The following DMD variants were observed in gnomAD, a reference collection of about 807,000 sequenced individuals.
DMD encodes mutant dystrophin.
DMD carries 63 observed loss-of-function variants against 330.1 expected under a neutral mutation model. The observed-to-expected ratio is 0.19, with a 90% CI of 0.16 to 0.24. The LOEUF is 0.24. DMD is among the 10% of genes least tolerant of loss of function. The pLI is 1.00. For missense variants in DMD, 3,344 were observed against 2,684.1 expected (o/e 1.25, Z -5.43); for synonymous variants, 1,223 against 959.8 (o/e 1.27, Z -5.07).
intron 29 of DMD, among the ~76,000 whole-genome samples, chrX:32,415,326 G>A (rs1156729335): frequency 1.8e-5 from 2 of 112,061 alleles, no homozygotes; most frequent in African/African-American, 3.2e-5. Context: ...GTTGACTTCG[G>A]GTGGGTTGGC....
At chrX:32,783,762 C>T (rs371718763) in intron 7 of DMD, among the ~76,000 whole-genome samples, 1 of 110,972 alleles carries the variant, frequency 9.0e-6, no homozygotes, top group Non-Finnish European at 1.9e-5. Flanking sequence ...ATATAAGGAA[C>T]TTAAGCATCC....
chrX:31,876,410 C>A (rs1489884697), intron 47 of DMD, among the ~76,000 whole-genome samples: 1 of 112,057 alleles, frequency 8.9e-6, no homozygotes, highest in East Asian at 2.8e-4. Flanking sequence ...AGATTGGGGA[C>A]AATGATAGCA....
intron 41 of DMD, among the ~76,000 whole-genome samples, chrX:32,315,377 C>T (rs1211064797): frequency 1.2e-4 from 13 of 108,588 alleles, no homozygotes; most frequent in African/African-American, 4.0e-4. Flanking sequence ...GGGTGGGGGG[C>T]AAGGGGAGGG....
chrX:32,521,755 A>G (rs12008060), intron 17 of DMD, among the ~76,000 whole-genome samples: 6,634 of 111,803 alleles, frequency 0.059, 471 homozygotes, highest in African/African-American at 0.2. Flanking sequence ...TAGCATCACC[A>G]TCCCTCATAT....
At chrX:31,282,383 C>A (rs960978199) in intron 62 of DMD, among the ~76,000 whole-genome samples, 1 of 110,968 alleles carries the variant, frequency 9.0e-6, no homozygotes, top group Non-Finnish European at 1.9e-5. Flanking sequence ...CTTCTCTGTG[C>A]CTCTACCTTC....
At chrX:32,879,189 A>C (rs1236248005) in intron 2 of DMD, among the ~76,000 whole-genome samples, 12 of 110,848 alleles carry the variant, frequency 1.1e-4, no homozygotes, top group Non-Finnish European at 2.1e-4. Context: ...AAAGTCTACT[A>C]TCTTCCTTTT....
At chrX:32,313,697 G>C (rs1185048918) in intron 41 of DMD, among the ~76,000 whole-genome samples, 1 of 111,877 alleles carries the variant, frequency 8.9e-6, no homozygotes, top group African/African-American at 3.2e-5. Context: ...AGCAACTTCA[G>C]CAAAGTCTCA....
At chrX:31,231,903 T>C (rs2047242627) in intron 63 of DMD, among the ~76,000 whole-genome samples, 1 of 109,580 alleles carries the variant, frequency 9.1e-6, no homozygotes, top group Non-Finnish European at 1.9e-5. Flanking sequence ...AACAAACAAA[T>C]ATTCATATGT....
At chrX:33,303,301 T>C (rs1421141655) in intron 1 of DMD, among the ~76,000 whole-genome samples, 1 of 111,712 alleles carries the variant, frequency 9.0e-6, no homozygotes, top group East Asian at 2.8e-4. Flanking sequence ...TTATGTGGTA[T>C]ATATAACAAG....
chrX:32,794,776 C>G (rs1221886715), intron 7 of DMD, among the ~76,000 whole-genome samples: 1 of 111,516 alleles, frequency 9.0e-6, no homozygotes, highest in East Asian at 2.8e-4. Context: ...AAAGCTAAAC[C>G]CTCACCAGAA....
chrX:31,210,145 G>A (rs1414364266), intron 64 of DMD, among the ~76,000 whole-genome samples: 1 of 111,871 alleles, frequency 8.9e-6, no homozygotes, highest in Non-Finnish European at 1.9e-5. Context: ...CTAAGGTTGT[G>A]TAAACTCTAT....
intron 60 of DMD, among the ~76,000 whole-genome samples, chrX:31,363,474 G>A (rs1380390110): frequency 9.8e-6 from 1 of 102,359 alleles, no homozygotes; most frequent in Non-Finnish European, 2.0e-5. Flanking sequence ...TCCGCTTCCC[G>A]GGTTCAAGCG....
At chrX:32,452,818 C>T (rs947479554) in intron 26 of DMD, among the ~76,000 whole-genome samples, 19 of 111,036 alleles carry the variant, frequency 1.7e-4, no homozygotes, top group Non-Finnish European at 2.5e-4. Flanking sequence ...TAACAAAACC[C>T]GTTTGTTAAC....
intron 1 of DMD, among the ~76,000 whole-genome samples, chrX:33,042,087 A>G (rs921521910): frequency 7.2e-5 from 8 of 111,212 alleles, no homozygotes; most frequent in African/African-American, 2.0e-4. Flanking sequence ...ATACTTTAAA[A>G]TTGAAATAAA....
intron 64 of DMD, 137 bp downstream of exon 64, chrX:31,222,910 T>G: frequency 1.8e-6 from 1 of 555,350 alleles, no homozygotes; most frequent in Admixed American, 2.8e-5. Flanking sequence ...CAAGGATACA[T>G]TAAAGAATGA....
intron 9 of DMD, among the ~76,000 whole-genome samples, chrX:32,690,344 G>C (rs1246849509): frequency 9.0e-6 from 1 of 111,203 alleles, no homozygotes; most frequent in Non-Finnish European, 1.9e-5. Context: ...ATTGATGAAA[G>C]AAATTAAAGA....
chrX:32,099,460 C>T (rs2096528481), intron 44 of DMD, among the ~76,000 whole-genome samples: 1 of 109,641 alleles, frequency 9.1e-6, no homozygotes, highest in Non-Finnish European at 1.9e-5. Flanking sequence ...TATTGCGGCT[C>T]TATTCACAAT....
intron 59 of DMD, among the ~76,000 whole-genome samples, chrX:31,461,585 A>G (rs778888167): frequency 8.9e-6 from 1 of 111,898 alleles, no homozygotes; most frequent in South Asian, 3.8e-4. Context: ...ACTAATAGTG[A>G]TCACTTTCTT....
chrX:32,747,599 C>T (rs558506026), intron 7 of DMD, among the ~76,000 whole-genome samples: 3 of 112,231 alleles, frequency 2.7e-5, no homozygotes, highest in South Asian at 3.7e-4. Flanking sequence ...CTGATCCTCC[C>T]GCCTCAGCGT....
Sources: gnomAD v4.1 joint callset for allele counts (sites outside exome capture counted in the v4.1 genomes callset) on GRCh38, gnomAD v4.1.1 for gene constraint, MANE v1.5 for transcripts, NCBI Gene and HGNC (gene_info 2026-07-23, HGNC 2026-07-21) for gene names.